The following PEX7 variants were observed in gnomAD, a reference collection of about 807,000 sequenced individuals.
PEX7 encodes the protein PTS2 receptor.
Under a neutral mutation model 47.5 loss-of-function variants are expected in PEX7, and 34 were observed. That is an observed-to-expected ratio of 0.72 (90% CI 0.54 to 0.95). The LOEUF is 0.95. Ranked by LOEUF, PEX7 falls within the 40% of genes least tolerant of loss-of-function variation. The probability of loss-of-function intolerance (pLI) is 0.00; values close to 1 mark genes in which losing one functional copy is unlikely to be tolerated. For synonymous variants in PEX7, 141 were observed against 148.8 expected (o/e 0.95, Z 0.38); for missense variants, 394 against 400.3 (o/e 0.98, Z 0.13).
intron 3 of PEX7, among the ~76,000 whole-genome samples, chr6:136,840,194 A>T (rs935130102): frequency 2.0e-5 from 3 of 152,192 alleles, no homozygotes; most frequent in Non-Finnish European, 2.9e-5. Context: ...TACATGTAAG[A>T]TGTAAAAATG....
In PEX7 at chr6:136,834,896, A is replaced by C. The variant is rs563076602; in HGVS notation, c.339+8427A>C. 5.3e-5 allele frequency among the ~76,000 whole-genome samples: 8 copies of C among 152,294 alleles called. No homozygotes were observed. In the South Asian group the frequency reaches 1.7e-3, roughly 32 times the overall value. On this transcript the variant is annotated intron_variant, in intron 3 of 9. Transcript: ENST00000318471. ...GGCATTTGGAATTTTAATACTTAAC[A>C]TAAAAAAGGTGTGCAAAGGCTTGTC...
chr6:136,845,989 A>G, intron 4 of PEX7, 84 bp from the exon 5 acceptor site: 2 of 773,900 alleles, frequency 2.6e-6, no homozygotes, highest in South Asian at 1.4e-5. Flanking sequence ...ATAAATGTAT[A>G]TAGTTTATTG....
chr6:136,842,079 A>G (rs1478115309), intron 3 of PEX7, among the ~76,000 whole-genome samples: 6 of 150,586 alleles, frequency 4.0e-5, no homozygotes, highest in African/African-American at 1.5e-4. Context: ...GCTCACTACA[A>G]CCTCCACCTC....
At chr6:136,826,518 G>A (rs760058894) in intron 3 of PEX7, 49 bp downstream of exon 3, 10 of 1,610,554 alleles carry the variant, frequency 6.2e-6, no homozygotes, top group African/African-American at 4.0e-5. Flanking sequence ...CTTCGACTTT[G>A]GTTGAAATCC....
chr6:136,849,187 T>C (rs1301205685), intron 5 of PEX7, among the ~76,000 whole-genome samples: 2 of 152,168 alleles, frequency 1.3e-5, no homozygotes, highest in African/African-American at 4.8e-5. Flanking sequence ...TCTGTGGGAT[T>C]GGTGGTGATA....
At chr6:136,862,241 A>C (rs771408285) in intron 5 of PEX7, among the ~76,000 whole-genome samples, 1 of 148,398 alleles carries the variant, frequency 6.7e-6, no homozygotes, top group Non-Finnish European at 1.5e-5. Context: ...TAATTTATTT[A>C]TTTATTTTGT....
chr6:136,876,886 T>C (rs1192396254), intron 8 of PEX7, among the ~76,000 whole-genome samples: 6 of 152,230 alleles, frequency 3.9e-5, no homozygotes, highest in Admixed American at 3.3e-4. Context: ...ATGGTGTTTC[T>C]GATTCTAGAT....
intron 6 of PEX7, among the ~76,000 whole-genome samples, chr6:136,869,309 A>C (rs1399231036): frequency 2.0e-5 from 3 of 152,018 alleles, no homozygotes; most frequent in African/African-American, 7.2e-5. Flanking sequence ...TGGGGTGATC[A>C]TACCACACTG....
At chr6:136,912,815 C>G (rs1046029790) in intron 9 of PEX7, among the ~76,000 whole-genome samples, 3 of 152,204 alleles carry the variant, frequency 2.0e-5, no homozygotes, top group East Asian at 1.9e-4. Context: ...GCTATATTCA[C>G]TAAGTTTTTA....
chr6:136,889,204 T>A (rs1049748302), intron 8 of PEX7, among the ~76,000 whole-genome samples: 1 of 152,184 alleles, frequency 6.6e-6, no homozygotes, highest in African/African-American at 2.4e-5. Context: ...TGTTAATTAC[T>A]GTCATACTGG....
intron 8 of PEX7, among the ~76,000 whole-genome samples, chr6:136,894,442 T>G (rs1406600897): frequency 6.6e-6 from 1 of 152,056 alleles, no homozygotes; most frequent in East Asian, 1.9e-4. Flanking sequence ...ATACAAAAAT[T>G]AGCTGAGCGT....
Position 136,913,649 on chromosome 6 carries a change from A to G in PEX7, c.*123A>G. 7.6e-6 allele frequency: 6 copies of G among 788,432 alleles called. No individual in the cohort carries two copies. The highest frequency in any genetic ancestry group is 1.1e-5 in the Non-Finnish European group (5 of 448,214). The allele number at this position is 788,432 out of a possible 1,614,324, so 48.8% of individuals were successfully genotyped here. ...TGCTATTCAGATTTCAAATCTTTCC[A>G]ATTTACCCTGGAATCAGTTTTGAGG... On this transcript the variant is annotated 3_prime_UTR_variant, in exon 10 of 10. Transcript: ENST00000318471.
intron 5 of PEX7, among the ~76,000 whole-genome samples, chr6:136,857,890 C>G (rs565803836): frequency 3.9e-5 from 6 of 152,274 alleles, no homozygotes; most frequent in Non-Finnish European, 7.4e-5. Flanking sequence ...GGTGCCATCT[C>G]AGCTCACTGA....
intron 8 of PEX7, among the ~76,000 whole-genome samples, chr6:136,884,334 T>C (rs960515091): frequency 6.6e-6 from 1 of 152,146 alleles, no homozygotes; most frequent in Non-Finnish European, 1.5e-5. Flanking sequence ...GATGATATTT[T>C]TAGTGTCAGA....
At chr6:136,875,912 T>A (rs912612391) in intron 8 of PEX7, among the ~76,000 whole-genome samples, 1 of 152,234 alleles carries the variant, frequency 6.6e-6, no homozygotes, top group Non-Finnish European at 1.5e-5. Context: ...CAGTTAATGC[T>A]TTTTGTTTCA....
In PEX7 at chr6:136,846,089, G is replaced by T; in HGVS notation, c.434G>T (p.Gly145Val). 1 of 1,610,502 alleles carries T rather than the reference G, an allele frequency of 6.2e-7. No individual in the cohort carries two copies. Among genetic ancestry groups the T allele is most frequent in the Admixed American group, 1.7e-5 (1 of 59,986 alleles). ...TATTTGTAGTGGGATCCAACTGTTG[G>T]AAAGTCTCTGTGCACCTTTAGAGGC... Reference protein sequence around the residue: ...QTVKLWDPTVGKSLCTFRGHE... With the variant: ...QTVKLWDPTVVKSLCTFRGHE... The change falls in exon 5 of 10, where the codon GGA becomes GTA. Residue 145 changes from glycine to valine, a missense_variant. By Grantham distance (109) the Gly-to-Val change is moderately radical. Transcript: ENST00000318471.
Position 136,913,596 on chromosome 6 carries a change from T to C in PEX7, c.*70T>C. 1 of 983,472 alleles carries C rather than the reference T, an allele frequency of 1.0e-6. No homozygotes were observed. The highest frequency in any genetic ancestry group is 1.3e-5 in the South Asian group (1 of 78,358). The allele number at this position is 983,472 out of a possible 1,614,324, so 60.9% of individuals were successfully genotyped here. On this transcript the variant is annotated 3_prime_UTR_variant, in exon 10 of 10. Coordinates refer to ENST00000318471, the MANE Select transcript of PEX7 (RefSeq NM_000288.4). The stretch of plus-strand genomic sequence containing the variant: ...TGCCTAACAGCAAATAAATTAACTA[T>C]GGAAAACATAGACATTATGCTTTTA...
At chr6:136,867,623 G>A (rs1252626383) in intron 6 of PEX7, among the ~76,000 whole-genome samples, 1 of 151,844 alleles carries the variant, frequency 6.6e-6, no homozygotes, top group Non-Finnish European at 1.5e-5. Flanking sequence ...GAGTCAAAAA[G>A]TAAAAAAAGC....
In PEX7 at chr6:136,846,154, A is replaced by T; in HGVS notation, c.499A>T (p.Ile167Phe). The T allele has an allele frequency of 6.2e-7, 1 of 1,612,754 alleles. No individual in the cohort carries two copies. The highest frequency in any genetic ancestry group is 8.5e-7 in the Non-Finnish European group (1 of 1,178,896). Residue 167 changes from isoleucine (I) to phenylalanine (F), a missense_variant, in exon 5 of 10, where the codon ATC becomes TTC. Ile to Phe is a conservative substitution (Grantham distance 21). Transcript: ENST00000318471. ...TTATAGCACAATCTGGTCTCCCCAC[A>T]TCCCTGGTTGTTTTGCTTCAGCCTC... is the stretch of plus-strand genomic sequence containing the variant. ...IIYSTIWSPH[I>F]PGCFASASGD...
Sources: gnomAD v4.1 joint callset for allele counts (sites outside exome capture counted in the v4.1 genomes callset) on GRCh38, gnomAD v4.1.1 for gene constraint, MANE v1.5 for transcripts, NCBI Gene and HGNC (gene_info 2026-07-23, HGNC 2026-07-21) for gene names.